The following ARFIP1 variants were observed in gnomAD, a reference collection of about 807,000 sequenced individuals.
ARFIP1 encodes the protein ARF interacting protein 1, also known as arfaptin-1.
A neutral mutation model predicts 42.5 loss-of-function variants in ARFIP1; 24 were observed. That is an observed-to-expected ratio of 0.57 (90% CI 0.41 to 0.80). The LOEUF (loss-of-function observed/expected upper bound fraction) is 0.80, where lower values mean the gene tolerates loss of function less well. Among genes scored for constraint, ARFIP1 ranks in the 30% least tolerant of loss-of-function variants. ARFIP1 has a pLI of 0.00. For synonymous variants in ARFIP1, 141 were observed against 153.7 expected (o/e 0.92, Z 0.61); for missense variants, 354 against 434.0 (o/e 0.82, Z 1.64).
chr4:152,840,063 G>A (rs921376653), intron 2 of ARFIP1, among the ~76,000 whole-genome samples: 1 of 152,196 alleles, frequency 6.6e-6, no homozygotes, highest in African/African-American at 2.4e-5. Context: ...GGTATCAAAG[G>A]TTCCTTTTGG....
chr4:152,905,653 A>G (rs1415581763), intron 8 of ARFIP1, among the ~76,000 whole-genome samples: 1 of 141,722 alleles, frequency 7.1e-6, no homozygotes, highest in Non-Finnish European at 1.5e-5. Flanking sequence ...CCCGGGTTCA[A>G]GCGATTCTCC....
chr4:152,820,307 T>C (rs1730267067), intron 1 of ARFIP1, among the ~76,000 whole-genome samples: 1 of 152,094 alleles, frequency 6.6e-6, no homozygotes, highest in South Asian at 2.1e-4. Flanking sequence ...TTCAACCTGG[T>C]GAATAAAATA....
rs1270897643 is a variant in ARFIP1 at position 152,893,984 on chromosome 4, G to A, written c.966+5677G>A. Among the ~76,000 whole-genome samples, 16 of 151,890 alleles carry A rather than the reference G, an allele frequency of 1.1e-4. No individual in the cohort carries two copies. The East Asian group carries it at 2.9e-3, about 28-fold the overall frequency. Reference sequence around the variant, plus strand: ...TGTAATCCTAGCACTTTGGGAGGCCGAGGTGGACGGATCACTTGAGGTCAG... The same window carrying A: ...TGTAATCCTAGCACTTTGGGAGGCCAAGGTGGACGGATCACTTGAGGTCAG... On this transcript the variant is annotated intron_variant, in intron 8 of 8. Transcript: ENST00000353617.
At chr4:152,840,498 A>G (rs13151298) in intron 2 of ARFIP1, among the ~76,000 whole-genome samples, 19,369 of 152,184 alleles carry the variant, frequency 0.13, 1,292 homozygotes, top group Middle Eastern at 0.18. Flanking sequence ...TTACCATTAT[A>G]TAATGTCCCT....
Position 152,829,745 on chromosome 4 carries a change from C to G in ARFIP1, c.93+19C>G. 1 of 1,529,446 alleles carries G rather than the reference C, an allele frequency of 6.5e-7. No individual in the cohort carries two copies. 94.7% of individuals were successfully genotyped at this position (1,529,446 alleles called of 1,614,324 possible). On this transcript the variant is annotated intron_variant, in intron 2 of 8. Transcript: ENST00000353617. ...TAATAGGGTAAGAACACTTTTCTTT[C>G]TCTTAATGCAAAGAATCATGGTAAG... is the stretch of plus-strand genomic sequence containing the variant.
chr4:152,792,317 T>C (rs1435539474), intron 1 of ARFIP1, among the ~76,000 whole-genome samples: 1 of 152,222 alleles, frequency 6.6e-6, no homozygotes, highest in Non-Finnish European at 1.5e-5. Flanking sequence ...TGAAGACTCA[T>C]ATTTTATCAT....
At chr4:152,863,142 G>A (rs1734026058) in intron 2 of ARFIP1, among the ~76,000 whole-genome samples, 1 of 152,182 alleles carries the variant, frequency 6.6e-6, no homozygotes, top group South Asian at 2.1e-4. Flanking sequence ...CCTGATTGAA[G>A]TCAGAGAAGC....
At chr4:152,875,015 C>CT (rs1735206774) in intron 5 of ARFIP1, among the ~76,000 whole-genome samples, 3 of 152,120 alleles carry the variant, frequency 2.0e-5, no homozygotes, top group Admixed American at 2.0e-4. Flanking sequence ...GGTCCTCTCT[C>CT]TTTCATGCTT....
At chr4:152,788,816 T>G (rs1210710216) in intron 1 of ARFIP1, among the ~76,000 whole-genome samples, 1 of 150,968 alleles carries the variant, frequency 6.6e-6, no homozygotes, top group Non-Finnish European at 1.5e-5. Flanking sequence ...TTTTTTTTTT[T>G]TTTTTCTGTT....
chr4:152,865,882 T>TA (rs1247974402), intron 3 of ARFIP1, among the ~76,000 whole-genome samples: 28 of 152,188 alleles, frequency 1.8e-4, no homozygotes, highest in Admixed American at 6.5e-4. Context: ...AATATATATA[T>TA]TTTTTAATTG....
chr4:152,854,711 C>G (rs1011747782), intron 2 of ARFIP1, among the ~76,000 whole-genome samples: 3 of 152,208 alleles, frequency 2.0e-5, no homozygotes, highest in African/African-American at 7.2e-5. Flanking sequence ...TGTATAATTT[C>G]TTTGGCTGTA....
At chr4:152,890,803 C>T (rs1736782454) in intron 8 of ARFIP1, among the ~76,000 whole-genome samples, 1 of 152,022 alleles carries the variant, frequency 6.6e-6, no homozygotes, top group Non-Finnish European at 1.5e-5. Context: ...GATATAAAGG[C>T]TTGGAAGTCA....
chr4:152,869,782 AT>A (rs1734723080), intron 3 of ARFIP1, among the ~76,000 whole-genome samples: 1 of 152,114 alleles, frequency 6.6e-6, no homozygotes, highest in South Asian at 2.1e-4. Context: ...ATGTTTAGTA[AT>A]TTGCCAGGGT....
At chr4:152,895,366 G>C (rs572811486) in intron 8 of ARFIP1, among the ~76,000 whole-genome samples, 1 of 152,086 alleles carries the variant, frequency 6.6e-6, no homozygotes, top group East Asian at 1.9e-4. Flanking sequence ...AGCAAATATT[G>C]ATGGAGTGGT....
chr4:152,882,084 GAGTT>G lies in ARFIP1; in HGVS notation c.634-634_634-631del, dbSNP rs757691369. On this transcript the variant is annotated intron_variant, in intron 6 of 8. Transcript: ENST00000353617. Reference sequence around the variant, plus strand: ...TTTCACTGCTGAATATACAGAGCTAGAGTTAGTTCTTGCCATATCTGAAGGAGTC... The same window carrying G: ...TTTCACTGCTGAATATACAGAGCTAGAGTTCTTGCCATATCTGAAGGAGTC... Among the ~76,000 whole-genome samples the G allele has an allele frequency of 5.9e-4, 90 of 152,262 alleles. 1 individual carries two copies. The highest frequency in any genetic ancestry group is 6.8e-3 in the Middle Eastern group (2 of 294).
intron 1 of ARFIP1, among the ~76,000 whole-genome samples, chr4:152,809,225 A>G (rs1041858745): frequency 5.9e-5 from 9 of 152,314 alleles, no homozygotes; most frequent in Non-Finnish European, 1.0e-4. Flanking sequence ...TTGGCTGCAC[A>G]TTAGAATCAC....
At position 152,881,165 on chromosome 4, in the gene ARFIP1, TG is replaced by T. The variant is rs1245488814; in HGVS notation, c.615del (p.Lys206SerfsTer3). On this transcript the variant is annotated frameshift_variant, in exon 6 of 9. Transcript: ENST00000353617. LOFTEE classifies it high-confidence loss of function. Reference sequence around the variant, plus strand: ...GGAGATGCATTTGCTGACCTGAGTTTGAAGTCACTAGAACTTCATGTAAGAT... The same window carrying T: ...GGAGATGCATTTGCTGACCTGAGTTTAAGTCACTAGAACTTCATGTAAGAT... The part of the protein sequence containing the change: ...QLGDAFADLS[L>X]KSLELHEEFG... 6.2e-7 allele frequency: 1 copy of T among 1,611,120 alleles called. No homozygotes were observed. Among genetic ancestry groups the T allele is most frequent in the Non-Finnish European group, 8.5e-7 (1 of 1,177,772 alleles).
At chr4:152,781,934 CT>C (rs1346812522) in intron 1 of ARFIP1, among the ~76,000 whole-genome samples, 2 of 152,210 alleles carry the variant, frequency 1.3e-5, no homozygotes, top group African/African-American at 4.8e-5. Flanking sequence ...TTTTTCCCCC[CT>C]GGGGAAAGTG....
chr4:152,910,190 G>T lies in ARFIP1; in HGVS notation c.1093G>T (p.Asp365Tyr). ...FHIKLKTPGV[D>Y]APSWLEEQ ...TATCAAATTGAAAACCCCTGGAGTG[G>T]ATGCCCCATCTTGGCTTGAAGAACA... The change falls in exon 9 of 9, where the codon GAT becomes TAT. Residue 365 changes from aspartate (D) to tyrosine (Y), a missense_variant. Asp to Tyr is a radical substitution (Grantham distance 160, BLOSUM62 -3). Coordinates refer to ENST00000353617, the MANE Select transcript of ARFIP1 (RefSeq NM_001025595.3). 1 of 1,613,692 alleles carries T rather than the reference G, an allele frequency of 6.2e-7. No homozygotes were observed. The highest frequency in any genetic ancestry group is 8.5e-7 in the Non-Finnish European group (1 of 1,179,880).
Sources: gnomAD v4.1 joint callset for allele counts (sites outside exome capture counted in the v4.1 genomes callset) on GRCh38, gnomAD v4.1.1 for gene constraint, MANE v1.5 for transcripts, NCBI Gene and HGNC (gene_info 2026-07-23, HGNC 2026-07-21) for gene names.